Variants in COPB2 observed in about 807,000 individuals in gnomAD.
COPB2 encodes the protein coat protein complex I subunit beta 2, also known as coatomer subunit beta'.
In COPB2, 16 loss-of-function variants were observed where a neutral mutation model predicts 120.8. The ratio of observed to expected loss-of-function variants is 0.13; its 90% CI spans 0.09 to 0.20. The LOEUF (loss-of-function observed/expected upper bound fraction) is 0.20, where lower values mean the gene tolerates loss of function less well. Among genes scored for constraint, COPB2 ranks in the 10% least tolerant of loss-of-function variants. The pLI is 1.00. For synonymous variants in COPB2, 332 were observed against 366.3 expected, an observed-to-expected ratio of 0.91 and a Z score of 1.07; for missense variants, 794 against 1,076.5, an observed-to-expected ratio of 0.74 and a Z score of 3.67.
chr3:139,373,107 T>C lies in COPB2; in HGVS notation c.1094+106A>G. 3 of 1,117,098 alleles carry C rather than the reference T, an allele frequency of 2.7e-6. No homozygotes were observed. The South Asian group carries it at 3.9e-5, about 15-fold the overall frequency. 69.2% of individuals were successfully genotyped at this position (1,117,098 alleles called of 1,614,324 possible). On this transcript the variant is annotated intron_variant, in intron 9 of 21. Coordinates refer to ENST00000333188, the MANE Select transcript of COPB2 (RefSeq NM_004766.3). Reference sequence around the variant, plus strand: ...TTGTGAGGCCAGGGCAAAAGCACATTGAGGAATGATTAGAGATGCCAACCA... The same window carrying C: ...TTGTGAGGCCAGGGCAAAAGCACATCGAGGAATGATTAGAGATGCCAACCA...
At chr3:139,360,965 C>A (rs963819304) in intron 17 of COPB2, 116 bp downstream of exon 17, 1 of 1,119,382 alleles carries the variant, frequency 8.9e-7, no homozygotes, top group South Asian at 1.4e-5. Flanking sequence ...CTGACTGCCC[C>A]GTCTATTCAA....
chr3:139,378,243 A>G lies in COPB2; in HGVS notation c.356-54T>C, dbSNP rs979398489. 26 of 1,468,192 alleles carry G rather than the reference A, an allele frequency of 1.8e-5. No homozygotes were observed. In the African/African-American group the frequency reaches 3.0e-4, roughly 17 times the overall value. 90.9% of individuals were successfully genotyped at this position (1,468,192 alleles called of 1,614,324 possible). On this transcript the variant is annotated intron_variant, in intron 4 of 21. Transcript: ENST00000333188. ...TGTAATTCTATTTTTTCACTTCATA[A>G]CTAAGACACAGTCTTTAGAAGAAGC... is the stretch of plus-strand genomic sequence containing the variant.
intron 15 of COPB2, among the ~76,000 whole-genome samples, chr3:139,363,525 A>C (rs6793543): frequency 0.032 from 4,834 of 152,286 alleles, 236 homozygotes; most frequent in African/African-American, 0.1. Context: ...GGTGCCAAAA[A>C]GGTTGGGGAC....
chr3:139,389,348 G>T, intron 1 of COPB2, 200 bp downstream of exon 1: 1 of 801,334 alleles, frequency 1.2e-6, no homozygotes, highest in Non-Finnish European at 1.7e-6. Context: ...AGCAGGCTTT[G>T]CCTCCCCAAA....
At chr3:139,360,431 G>C (rs1023490195) in intron 17 of COPB2, among the ~76,000 whole-genome samples, 3 of 151,176 alleles carry the variant, frequency 2.0e-5, no homozygotes, top group Non-Finnish European at 4.4e-5. Flanking sequence ...GGCAGGAGAA[G>C]GGCTTGAACG....
chr3:139,366,199 A>G (rs1405704884), intron 15 of COPB2, among the ~76,000 whole-genome samples: 1 of 152,216 alleles, frequency 6.6e-6, no homozygotes, highest in African/African-American at 2.4e-5. Context: ...CTTAAAAAAC[A>G]TTACATAAGA....
In COPB2 at chr3:139,362,472, G is replaced by A. The variant is rs773888231; in HGVS notation, c.1930C>T (p.Arg644Cys). ...CCAAGCTGAAGAGCAAGCTCAAAAC[G>A]ATGCTCAGGATCTGTGGATACTGTA... is the stretch of plus-strand genomic sequence containing the variant. ...ALTVSTDPEH[R>C]FELALQLGEL... The change falls in exon 16 of 22, where the codon CGT becomes TGT. Residue 644 changes from arginine (R) to cysteine (C), a missense_variant. By Grantham distance (180) the Arg-to-Cys change is radical. This residue lies in a region of COPB2 where 610 missense variants were observed against 866.7 expected (regional missense o/e 0.70). Transcript: ENST00000333188. The A allele has an allele frequency of 2.0e-5, 33 of 1,612,462 alleles. No individual in the cohort carries two copies. The South Asian group carries it at 2.6e-4, about 13-fold the overall frequency.
chr3:139,380,622 T>A (rs897352373), intron 2 of COPB2: 13 of 152,074 alleles, frequency 8.5e-5, no homozygotes, highest in Admixed American at 7.2e-4. Flanking sequence ...AAAAATGAAA[T>A]AACTAAGAAA....
intron 12 of COPB2, 28 bp from the exon 13 acceptor site, chr3:139,368,316 T>C (rs1175419079): frequency 1.3e-6 from 2 of 1,595,604 alleles, no homozygotes; most frequent in Admixed American, 3.5e-5. Flanking sequence ...CATAGACAAC[T>C]GATTTGGATT....
intron 17 of COPB2, among the ~76,000 whole-genome samples, chr3:139,360,372 G>A (rs932004909): frequency 1.8e-4 from 27 of 151,922 alleles, no homozygotes; most frequent in African/African-American, 6.5e-4. Context: ...AAAAACACAA[G>A]CCGGGTGTGG....
rs1363026944 is a variant in COPB2 at position 139,369,279 on chromosome 3, A to G, written c.1383T>C (p.Ile461=). Residue 461 remains isoleucine, a synonymous_variant, in exon 12 of 22, where the codon ATT becomes ATC. Coordinates refer to ENST00000333188, the MANE Select transcript of COPB2 (RefSeq NM_004766.3). ...DWDNTELIRR[I]EIQPKHIFWS... is the part of the protein sequence containing the mutation. ...AACTCACATGTTTGGGCTGAATTTC[A>G]ATTCTTCGTATGAGTTCTGTATTGT... 1 of 1,607,238 alleles carries G rather than the reference A, an allele frequency of 6.2e-7. No individual in the cohort carries two copies. The highest frequency in any genetic ancestry group is 1.3e-5 in the African/African-American group (1 of 74,622).
At chr3:139,382,978 C>T (rs1289326919) in intron 2 of COPB2, 1 of 301,518 alleles carries the variant, frequency 3.3e-6, no homozygotes, top group Non-Finnish European at 6.3e-6. Context: ...AGAGTATTCA[C>T]TGAATGGAAA....
chr3:139,388,626 G>GTTT (rs35109875), intron 1 of COPB2, among the ~76,000 whole-genome samples: 4 of 121,472 alleles, frequency 3.3e-5, no homozygotes, highest in Admixed American at 8.7e-5. Flanking sequence ...TTCATAACAA[G>GTTT]TTTTTTTTTT....
At chr3:139,358,684 A>G in intron 20 of COPB2, 60 bp downstream of exon 20, 1 of 1,217,802 alleles carries the variant, frequency 8.2e-7, no homozygotes, top group Non-Finnish European at 1.2e-6. Context: ...CTGTCTCAAA[A>G]GAAAAAAAAA....
rs750020048 is a variant in COPB2 at position 139,378,069 on chromosome 3, G to C, written c.476C>G (p.Ala159Gly). 3 of 1,573,914 alleles carry C rather than the reference G, an allele frequency of 1.9e-6. No individual in the cohort carries two copies. Among genetic ancestry groups the C allele is most frequent in the Non-Finnish European group, 1.7e-6 (2 of 1,151,128 alleles). Residue 159 changes from alanine (A) to glycine (G), a missense_variant, in exon 5 of 22, where the codon GCC (alanine) becomes GGC (glycine). Ala to Gly is a moderately conservative substitution (Grantham distance 60). This residue lies in a region of COPB2 where 610 missense variants were observed against 866.7 expected (regional missense o/e 0.70). Coordinates refer to ENST00000333188, the MANE Select transcript of COPB2 (RefSeq NM_004766.3). ...GATAGTCCTGTCCAAAGAGGCACTGGCAAACTGATTGTTATCTTTGGGGTT... is the reference window on the plus strand; with the variant it reads ...GATAGTCCTGTCCAAAGAGGCACTGCCAAACTGATTGTTATCTTTGGGGTT... ...VINPKDNNQF[A>G]SASLDRTIKV...
chr3:139,374,298 C>CGATGATGAT (rs59409399), intron 7 of COPB2, 191 bp downstream of exon 7: 19 of 494,648 alleles, frequency 3.8e-5, no homozygotes, highest in African/African-American at 1.2e-4. Flanking sequence ...AGAATGATGA[C>CGATGATGAT]GATGATGATG....
At chr3:139,378,971 A>G in intron 4 of COPB2, 76 bp downstream of exon 4, 8 of 1,423,128 alleles carry the variant, frequency 5.6e-6, no homozygotes, top group Non-Finnish European at 7.5e-6. Flanking sequence ...AACAGCAGTT[A>G]AAGCATAGCA....
chr3:139,373,495 CAGAG>C (rs903168725), intron 8 of COPB2, 83 bp from the exon 9 acceptor site: 1 of 1,529,776 alleles, frequency 6.5e-7, no homozygotes. Flanking sequence ...TTTCACCTAA[CAGAG>C]AGCTCCATTT....
intron 4 of COPB2, 70 bp from the exon 5 acceptor site, chr3:139,378,259 TAGA>T (rs1056582806): frequency 7.2e-7 from 1 of 1,390,342 alleles, no homozygotes; most frequent in African/African-American, 1.4e-5. Flanking sequence ...ACACAGTCTT[TAGA>T]AGAAGCAAAC....
Sources: allele counts gnomAD v4.1 joint callset (sites outside exome capture counted in the v4.1 genomes callset), GRCh38; gene constraint gnomAD v4.1.1; regional missense constraint gnomAD v4.1.1; transcripts MANE v1.5; gene names NCBI Gene and HGNC (gene_info 2026-07-23, HGNC 2026-07-21).